Variants in PCMTD2 observed in about 807,000 individuals in gnomAD.
The protein encoded by PCMTD2 is protein-L-isoaspartate (D-aspartate) O-methyltransferase domain containing 2, also known as protein-L-isoaspartate O-methyltransferase domain-containing protein 2.
Under a neutral mutation model 33.4 loss-of-function variants are expected in PCMTD2, and 16 were observed. That is an observed-to-expected ratio of 0.48 (90% CI 0.32 to 0.73). PCMTD2 has a LOEUF of 0.73. PCMTD2 is among the 30% of genes least tolerant of loss of function. The pLI, the probability that PCMTD2 is intolerant of heterozygous loss-of-function variation, is 0.03. For missense variants in PCMTD2, 374 were observed against 449.9 expected, an observed-to-expected ratio of 0.83 and a Z score of 1.53; for synonymous variants, 161 against 160.8, an observed-to-expected ratio of 1.00 and a Z score of -0.01.
chr20:64,262,441 A>T (rs952506917), intron 2 of PCMTD2: 4 of 152,190 alleles, frequency 2.6e-5, no homozygotes, highest in African/African-American at 9.7e-5. Context: ...TTCTGCTGTA[A>T]TGGATGTAAC....
At chr20:64,264,380 A>G (rs1313499552) in intron 2 of PCMTD2, 49 bp from the exon 3 acceptor site, 3 of 891,588 alleles carry the variant, frequency 3.4e-6, no homozygotes, top group East Asian at 2.4e-5. Context: ...CAGATGAGCA[A>G]GAGTTCTTAC....
chr20:64,257,340 A>G (rs1035178977), intron 1 of PCMTD2, among the ~76,000 whole-genome samples: 1 of 152,208 alleles, frequency 6.6e-6, no homozygotes, highest in Non-Finnish European at 1.5e-5. Context: ...GGCAGTTCGC[A>G]TTGTAAGGAG....
intron 5 of PCMTD2, among the ~76,000 whole-genome samples, chr20:64,270,530 T>A (rs1299232933): frequency 7.0e-6 from 1 of 142,474 alleles, no homozygotes; most frequent in Non-Finnish European, 1.5e-5. Context: ...ATGTGGGGTC[T>A]TGTGAGTGCG....
chr20:64,259,639 C>T (rs760665721), intron 1 of PCMTD2, among the ~76,000 whole-genome samples: 1 of 152,152 alleles, frequency 6.6e-6, no homozygotes, highest in Non-Finnish European at 1.5e-5. Flanking sequence ...ATCCAACTGC[C>T]TCGGCCTCCC....
chr20:64,272,006 ATCG>A (rs1179205280), intron 5 of PCMTD2: 4 of 346,742 alleles, frequency 1.2e-5, no homozygotes, highest in Admixed American at 3.7e-5. Context: ...AAGAGGCACG[ATCG>A]TGGTGTTGAG....
rs1250234684 is a variant in PCMTD2 at position 64,276,226 on chromosome 20, A to T, written c.*2626A>T. 6.6e-6 allele frequency: 1 copy of T among 152,252 alleles called. No homozygotes were observed. The highest frequency in any genetic ancestry group is 2.4e-5 in the African/African-American group (1 of 41,470). The allele number at this position is 152,252 out of a possible 1,614,324, so 9.4% of individuals were successfully genotyped here. A position where few individuals can be genotyped will look rare whatever the true frequency, so the allele number is the denominator to read the frequency against. On this transcript the variant is annotated 3_prime_UTR_variant, in exon 6 of 6. Coordinates refer to ENST00000308824, the MANE Select transcript of PCMTD2 (RefSeq NM_018257.3). ...ATTAATAAATGTGAAATTGGAATGG[A>T]CAAATGGAGAAGTGGCTGGCTCCAA...
At chr20:64,256,039 G>C (rs2145749775) in intron 1 of PCMTD2, 169 bp downstream of exon 1, 1 of 151,428 alleles carries the variant, frequency 6.6e-6, no homozygotes, top group East Asian at 2.0e-4. Flanking sequence ...CCTCCCCCCA[G>C]CGGCCTCCAG....
chr20:64,265,605 C>CAAGA, intron 4 of PCMTD2, 176 bp downstream of exon 4: 1 of 459,590 alleles, frequency 2.2e-6, no homozygotes. Flanking sequence ...GGGCCAGAAG[C>CAAGA]TGACTCAGGT....
chr20:64,265,080 T>A (rs1248440257), intron 3 of PCMTD2, among the ~76,000 whole-genome samples, 178 bp from the exon 4 acceptor site: 1 of 152,264 alleles, frequency 6.6e-6, no homozygotes, highest in East Asian at 1.9e-4. Flanking sequence ...TCTAGTTATA[T>A]AGTATAATTC....
Position 64,273,279 on chromosome 20 carries a change from TAAA to T in PCMTD2, c.768_770del (p.Lys257del), listed in dbSNP as rs1568738612. ...CTCGCATCGCCATCCGGGGCACCAT[TAAA>T]AAGATTATTCATCAGGAAACTGTGA... On this transcript the variant is annotated inframe_deletion, in exon 6 of 6. Coordinates refer to ENST00000308824, the MANE Select transcript of PCMTD2 (RefSeq NM_018257.3). 6.2e-7 allele frequency: 1 copy of T among 1,614,080 alleles called. No homozygotes were observed. The highest frequency in any genetic ancestry group is 1.3e-5 in the African/African-American group (1 of 75,022).
intron 5 of PCMTD2, chr20:64,271,993 G>C (rs1985930187): frequency 5.9e-6 from 2 of 338,732 alleles, no homozygotes; most frequent in Non-Finnish European, 5.9e-6. Context: ...TCACAGATGG[G>C]GCAAGAGGCA....
chr20:64,258,726 A>G (rs546563267), intron 1 of PCMTD2: 1 of 152,364 alleles, frequency 6.6e-6, no homozygotes, highest in East Asian at 1.9e-4. Flanking sequence ...AAACTTCATC[A>G]TAATTATAAC....
intron 5 of PCMTD2, among the ~76,000 whole-genome samples, chr20:64,270,246 G>C (rs1416386750): frequency 6.7e-6 from 1 of 149,860 alleles, no homozygotes; most frequent in Admixed American, 6.6e-5. Context: ...ACGGTGTGGG[G>C]TCGTGTGAGT....
rs1219043079 is a variant in PCMTD2 at position 64,255,829 on chromosome 20, C to G, written c.-66C>G. On this transcript the variant is annotated 5_prime_UTR_variant, in exon 1 of 6. Transcript: ENST00000308824. ...GACGCGCCCGAGGAGCTGCAGGTGGCAGCCCAGGCGGTCCGAACCCGTCGG... is the reference window on the plus strand; with the variant it reads ...GACGCGCCCGAGGAGCTGCAGGTGGGAGCCCAGGCGGTCCGAACCCGTCGG... The G allele has an allele frequency of 6.4e-6, 1 of 156,678 alleles. No homozygotes were observed. The highest frequency in any genetic ancestry group is 2.0e-4 in the East Asian group (1 of 5,090). 9.7% of individuals were successfully genotyped at this position (156,678 alleles called of 1,614,324 possible). A position where few individuals can be genotyped will look rare whatever the true frequency, so the allele number is the denominator to read the frequency against.
chr20:64,266,436 T>C (rs1029689187), intron 4 of PCMTD2, among the ~76,000 whole-genome samples: 2 of 152,136 alleles, frequency 1.3e-5, no homozygotes, highest in African/African-American at 2.4e-5. Context: ...TTTTGTATTT[T>C]TAGTAGAGAC....
Position 64,264,524 on chromosome 20 carries a change from T to G in PCMTD2, c.403T>G (p.Phe135Val). 2 of 1,516,622 alleles carry G rather than the reference T, an allele frequency of 1.3e-6. No individual in the cohort carries two copies. The highest frequency in any genetic ancestry group is 1.8e-6 in the Non-Finnish European group (2 of 1,091,296). The allele number at this position is 1,516,622 out of a possible 1,614,324, so 93.9% of individuals were successfully genotyped here. A position where few individuals can be genotyped will look rare whatever the true frequency, so the allele number is the denominator to read the frequency against. ...LDFFIRTSDS[F>V]DKFDFCEPSF... ...CTTCTTCATCAGAACAAGTGATAGT[T>G]TTGACAAGTAAGATGAAATACTATC... The change falls in exon 3 of 6, where the codon TTT becomes GTT. Residue 135 changes from phenylalanine to valine, a missense_variant. Coordinates refer to ENST00000308824, the MANE Select transcript of PCMTD2 (RefSeq NM_018257.3).
intron 2 of PCMTD2, among the ~76,000 whole-genome samples, chr20:64,261,489 CGCTT>C (rs1985414435): frequency 6.6e-6 from 1 of 152,090 alleles, no homozygotes; most frequent in East Asian, 1.9e-4. Context: ...GTCGGAGGAT[CGCTT>C]GATCGCTTCA....
rs996255062 is a variant in PCMTD2 at position 64,265,200 on chromosome 20, T to C, written c.411-58T>C. 6.3e-6 allele frequency: 8 copies of C among 1,272,126 alleles called. No individual in the cohort carries two copies. The Admixed American group carries it at 1.5e-4, about 24-fold the overall frequency. The allele number at this position is 1,272,126 out of a possible 1,614,324, so 78.8% of individuals were successfully genotyped here. A position where few individuals can be genotyped will look rare whatever the true frequency, so the allele number is the denominator to read the frequency against. The stretch of plus-strand genomic sequence containing the variant: ...TAACCTGTGGTTAGCATAGATTTAC[T>C]GTATAGACTTGTTGCAATGTGATAC... On this transcript the variant is annotated intron_variant, in intron 3 of 5. Transcript: ENST00000308824.
chr20:64,259,684 C>CG (rs1298385635), intron 1 of PCMTD2: 1 of 437,760 alleles, frequency 2.3e-6, no homozygotes, highest in Non-Finnish European at 4.1e-6. Flanking sequence ...CCCACCGCAC[C>CG]CGGCCTAAAT....
Sources: gnomAD v4.1 joint callset for allele counts (sites outside exome capture counted in the v4.1 genomes callset) on GRCh38, gnomAD v4.1.1 for gene constraint, MANE v1.5 for transcripts, NCBI Gene and HGNC (gene_info 2026-07-23, HGNC 2026-07-21) for gene names.